The following SERPINE2 variants were observed in gnomAD, a reference collection of about 807,000 sequenced individuals.
The protein encoded by SERPINE2 is glia-derived nexin.
SERPINE2 carries 14 observed loss-of-function variants against 36.3 expected under a neutral mutation model. The ratio of observed to expected loss-of-function variants is 0.39; its 90% confidence interval spans 0.25 to 0.60. The LOEUF is 0.60. Among genes scored for constraint, SERPINE2 ranks in the 20% least tolerant of loss-of-function variants. The probability of loss-of-function intolerance (pLI) is 0.57; values close to 1 mark genes in which losing one functional copy is unlikely to be tolerated. For missense variants in SERPINE2, 418 were observed against 499.6 expected, an observed-to-expected ratio of 0.84 and a Z score of 1.56; for synonymous variants, 192 against 191.8, an observed-to-expected ratio of 1.00 and a Z score of -0.01.
intron 1 of SERPINE2, among the ~76,000 whole-genome samples, chr2:224,009,609 C>T (rs1225974404): frequency 6.6e-6 from 1 of 151,942 alleles, no homozygotes; most frequent in African/African-American, 2.4e-5. Context: ...GTGTGGGAAT[C>T]GCTTGAACCC....
chr2:224,029,533 T>C (rs761089347), intron 1 of SERPINE2, among the ~76,000 whole-genome samples: 1 of 152,234 alleles, frequency 6.6e-6, no homozygotes, highest in Non-Finnish European at 1.5e-5. Context: ...ATATTCACCA[T>C]ATGTTTAAAA....
chr2:224,034,440 G>A (rs766285972), intron 1 of SERPINE2, among the ~76,000 whole-genome samples: 2 of 152,108 alleles, frequency 1.3e-5, no homozygotes, highest in Non-Finnish European at 2.9e-5. Context: ...GTTCAGTTTT[G>A]CAAGAAAAGA....
At chr2:224,035,529 C>T (rs969933346) in intron 1 of SERPINE2, among the ~76,000 whole-genome samples, 2 of 151,946 alleles carry the variant, frequency 1.3e-5, no homozygotes, top group African/African-American at 4.8e-5. Flanking sequence ...ATTATAGGCG[C>T]AGCTAATTTT....
intron 1 of SERPINE2, chr2:224,038,670 C>A: frequency 2.9e-6 from 2 of 680,844 alleles, no homozygotes; most frequent in South Asian, 1.7e-5. Context: ...TCTCCCCATC[C>A]GGCGGCGCGC....
intron 1 of SERPINE2, among the ~76,000 whole-genome samples, chr2:224,020,342 A>G (rs1357076398): frequency 6.6e-6 from 1 of 152,200 alleles, no homozygotes; most frequent in Non-Finnish European, 1.5e-5. Flanking sequence ...GGGTCTTTCC[A>G]TATCTGGTCT....
intron 1 of SERPINE2, among the ~76,000 whole-genome samples, chr2:224,013,387 G>T (rs1024964486): frequency 6.6e-6 from 1 of 152,138 alleles, no homozygotes; most frequent in African/African-American, 2.4e-5. Context: ...TGGCCTTTCT[G>T]GGGTGACTTG....
intron 4 of SERPINE2, among the ~76,000 whole-genome samples, chr2:223,987,035 C>T (rs1215700288): frequency 6.6e-6 from 1 of 152,112 alleles, no homozygotes; most frequent in Non-Finnish European, 1.5e-5. Flanking sequence ...CGTGCCAAAG[C>T]CACGAGATCT....
intron 1 of SERPINE2, among the ~76,000 whole-genome samples, chr2:224,019,251 T>C (rs1435450690): frequency 3.1e-5 from 1 of 32,420 alleles, no homozygotes; most frequent in Non-Finnish European, 8.9e-5. Flanking sequence ...AGTACAATAA[T>C]AAAAATATAT....
intron 1 of SERPINE2, among the ~76,000 whole-genome samples, chr2:224,005,024 A>G (rs1574832901): frequency 9.0e-6 from 1 of 111,248 alleles, no homozygotes; most frequent in East Asian, 2.3e-4. Context: ...TATATATTAT[A>G]TTATATAATA....
chr2:223,993,767 C>A (rs1690771221), intron 3 of SERPINE2, among the ~76,000 whole-genome samples: 1 of 152,178 alleles, frequency 6.6e-6, no homozygotes, highest in African/African-American at 2.4e-5. Context: ...AAGTTTCCCA[C>A]AGCGTGCTGC....
rs35858809 is a variant in SERPINE2, at chr2:223,983,545, G to A, written c.885-764C>T. Among the ~76,000 whole-genome samples the A allele has an allele frequency of 6.2e-3, 950 of 152,092 alleles. 3 individuals are homozygous for A. The highest frequency in any genetic ancestry group is 0.01 in the Non-Finnish European group (681 of 67,968). ...TGGGATTACAGGTGTGAGCCACCAC[G>A]CCCAGCCCCTTTTGAGATTCTGAAA... On this transcript the variant is annotated intron_variant, in intron 5 of 8. Coordinates refer to ENST00000409304, the MANE Select transcript of SERPINE2 (RefSeq NM_001136528.2).
At chr2:224,000,106 G>A (rs922905829) in intron 2 of SERPINE2, among the ~76,000 whole-genome samples, 7 of 152,164 alleles carry the variant, frequency 4.6e-5, no homozygotes, top group East Asian at 1.9e-4. Context: ...GACACAAATC[G>A]CCACCTCACT....
At chr2:224,030,033 T>C in intron 1 of SERPINE2, 1 of 984,956 alleles carries the variant, frequency 1.0e-6, no homozygotes, top group South Asian at 4.7e-5. Context: ...TATTCACAAC[T>C]AACCTAATGG....
chr2:223,980,359 C>T lies in SERPINE2; in HGVS notation c.1024G>A (p.Ala342Thr), dbSNP rs1470448549. The T allele has an allele frequency of 4.3e-6, 7 of 1,614,094 alleles. No homozygotes were observed. Among genetic ancestry groups the T allele is most frequent in the Non-Finnish European group, 5.9e-6 (7 of 1,179,956 alleles). The change falls in exon 7 of 9, where the codon GCA becomes ACA. Residue 342 changes from alanine to threonine, a missense_variant. Ala to Thr is a moderately conservative substitution (Grantham distance 58). Transcript: ENST00000409304. ...CCATCTTCACTGACTTCAATTTTTG[C>T]TTTTTGCAAGATATGAGAAACATGG... is the stretch of plus-strand genomic sequence containing the variant. Reference protein sequence around the residue: ...NLHVSHILQKAKIEVSEDGTK... With the variant: ...NLHVSHILQKTKIEVSEDGTK...
At chr2:223,993,376 A>G (rs16865421) in intron 3 of SERPINE2, among the ~76,000 whole-genome samples, 15,743 of 152,138 alleles carry the variant, frequency 0.1, 939 homozygotes, top group East Asian at 0.22. Flanking sequence ...GCTTCCTTTT[A>G]TTATACAGTT....
At chr2:224,022,582 C>T (rs1482303077) in intron 1 of SERPINE2, among the ~76,000 whole-genome samples, 1 of 152,104 alleles carries the variant, frequency 6.6e-6, no homozygotes, top group Non-Finnish European at 1.5e-5. Flanking sequence ...TTAGACACTC[C>T]CAATCTCTGG....
intron 3 of SERPINE2, among the ~76,000 whole-genome samples, chr2:223,996,129 A>G (rs1439225620): frequency 6.6e-6 from 1 of 152,198 alleles, no homozygotes; most frequent in African/African-American, 2.4e-5. Context: ...TTCCCAGCAC[A>G]CGTGGGGGTT....
chr2:224,001,599 T>C, intron 2 of SERPINE2, 43 bp downstream of exon 2: 1 of 1,582,762 alleles, frequency 6.3e-7, no homozygotes, highest in Non-Finnish European at 8.6e-7. Context: ...GTCACAAGAC[T>C]CTCAGGCAAA....
intron 1 of SERPINE2, among the ~76,000 whole-genome samples, chr2:224,026,111 G>A (rs1019751993): frequency 3.3e-5 from 5 of 152,276 alleles, no homozygotes; most frequent in Middle Eastern, 3.4e-3. Flanking sequence ...TTCTGCTTCC[G>A]CCAGTTCAAT....
Sources: gnomAD v4.1 joint callset for allele counts (sites outside exome capture counted in the v4.1 genomes callset) on GRCh38, gnomAD v4.1.1 for gene constraint, MANE v1.5 for transcripts, NCBI Gene and HGNC (gene_info 2026-07-23, HGNC 2026-07-21) for gene names.